Variants in NME9 observed in about 807,000 individuals in gnomAD.
NME9 encodes NME/NM23 family member 9.
Under a neutral mutation model 44.4 loss-of-function variants are expected in NME9, and 48 were observed. The ratio of observed to expected loss-of-function variants is 1.08; its 90% CI spans 0.86 to 1.37. NME9 has a LOEUF of 1.37. Among genes scored for constraint, NME9 ranks in the 40% most tolerant of loss-of-function variants. The pLI is 0.00. For missense variants in NME9, 325 were observed against 405.2 expected (o/e 0.80, Z 1.70); for synonymous variants, 139 against 147.1 (o/e 0.94, Z 0.40).
At chr3:138,278,912 A>G (rs1374244174) in intron 8 of NME9, among the ~76,000 whole-genome samples, 1 of 152,208 alleles carries the variant, frequency 6.6e-6, no homozygotes, top group South Asian at 2.1e-4. Flanking sequence ...ATTCTTGCCA[A>G]AGTCACTTTA....
intron 1 of NME9, chr3:138,326,997 A>C (rs1046086181): frequency 1.4e-5 from 2 of 138,840 alleles, no homozygotes; most frequent in Non-Finnish European, 2.9e-5. Flanking sequence ...AAAAAAAAAA[A>C]AAAAAAAAGT....
chr3:138,304,021 A>C (rs1326923942), intron 9 of NME9, among the ~76,000 whole-genome samples: 1 of 152,238 alleles, frequency 6.6e-6, no homozygotes, highest in Non-Finnish European at 1.5e-5. Context: ...AGTTGTGCAT[A>C]GTTATCCTTG....
intron 8 of NME9, among the ~76,000 whole-genome samples, chr3:138,262,934 T>A (rs1392632059): frequency 6.6e-6 from 1 of 152,220 alleles, no homozygotes; most frequent in South Asian, 2.1e-4. Flanking sequence ...CTCTGTATTA[T>A]CCAGAATAAT....
In NME9 at chr3:138,307,814, A is replaced by G. The variant is rs369660244; in HGVS notation, c.461-1334T>C. ...AAAACAAGAAAAGTTGTGACATCTC[A>G]GAAACCGGAAGAGAAGGTTTTGAGA... On this transcript the variant is annotated intron_variant, in intron 6 of 10. Coordinates refer to ENST00000333911, the MANE Select transcript of NME9 (RefSeq NM_001349018.2). Among the ~76,000 whole-genome samples, 5 of 152,360 alleles carry G rather than the reference A, an allele frequency of 3.3e-5. No homozygotes were observed. In the South Asian group the frequency reaches 1.0e-3, roughly 32 times the overall value.
intron 1 of NME9, among the ~76,000 whole-genome samples, chr3:138,325,391 A>C (rs1305801224): frequency 6.6e-6 from 1 of 151,962 alleles, no homozygotes; most frequent in Non-Finnish European, 1.5e-5. Flanking sequence ...ATTAACAGTA[A>C]AAATTTCTTT....
At chr3:138,274,075 C>A (rs372389572) in intron 8 of NME9, among the ~76,000 whole-genome samples, 3 of 152,284 alleles carry the variant, frequency 2.0e-5, no homozygotes, top group African/African-American at 7.2e-5. Context: ...ACCTCGGCCC[C>A]CCAAAGTGCT....
chr3:138,263,355 A>G (rs2047939385), intron 8 of NME9, among the ~76,000 whole-genome samples: 1 of 152,226 alleles, frequency 6.6e-6, no homozygotes, highest in Non-Finnish European at 1.5e-5. Context: ...AGGGCTGAGC[A>G]TGGACTGTGA....
At chr3:138,298,963 GAGT>G (rs1213367332), downstream of NME9, among the ~76,000 whole-genome samples, 2 of 152,216 alleles carry the variant, frequency 1.3e-5, no homozygotes, top group Non-Finnish European at 2.9e-5. Flanking sequence ...AAGGCGAAGA[GAGT>G]AGGAGCAGGG....
At chr3:138,324,838 G>T (rs768588141) in intron 2 of NME9, 35 bp downstream of exon 2, 3 of 1,493,298 alleles carry the variant, frequency 2.0e-6, no homozygotes, top group Non-Finnish European at 2.8e-6. Flanking sequence ...ATTTAGAAAA[G>T]AATGGATCTA....
intron 8 of NME9, among the ~76,000 whole-genome samples, chr3:138,273,920 G>T (rs143389450): frequency 6.6e-6 from 1 of 151,736 alleles, no homozygotes; most frequent in Non-Finnish European, 1.5e-5. Context: ...GGGTTCAAGT[G>T]ATTCTTCTTT....
intron 8 of NME9, chr3:138,284,433 A>G: frequency 1.2e-6 from 2 of 1,612,590 alleles, no homozygotes; most frequent in Non-Finnish European, 1.7e-6. Flanking sequence ...TTTTCCAGAC[A>G]CTGTGCATCT....
At chr3:138,313,297 C>T (rs1290322276) in intron 6 of NME9, among the ~76,000 whole-genome samples, 2 of 152,112 alleles carry the variant, frequency 1.3e-5, no homozygotes, top group South Asian at 2.1e-4. Context: ...GAGGCTGAGG[C>T]ACGAGAATTG....
At chr3:138,280,880 G>A (rs1487051730) in intron 8 of NME9, among the ~76,000 whole-genome samples, 2 of 151,964 alleles carry the variant, frequency 1.3e-5, no homozygotes, top group East Asian at 1.9e-4. Flanking sequence ...CACCTGCCTC[G>A]GCCTCCCAAA....
intron 4 of NME9, 54 bp downstream of exon 4, chr3:138,318,094 G>T (rs2108454005): frequency 4.6e-6 from 5 of 1,091,676 alleles, no homozygotes; most frequent in South Asian, 3.7e-5. Context: ...CTTCTATTTT[G>T]AACTCTAATG....
intron 4 of NME9, 86 bp from the exon 5 acceptor site, chr3:138,315,729 C>A: frequency 3.7e-6 from 4 of 1,092,320 alleles, no homozygotes; most frequent in South Asian, 1.4e-5. Flanking sequence ...GGAGTGTCCC[C>A]AAGTTCAAGG....
chr3:138,313,441 G>C (rs1234620060), intron 6 of NME9, among the ~76,000 whole-genome samples: 1 of 151,978 alleles, frequency 6.6e-6, no homozygotes, highest in Non-Finnish European at 1.5e-5. Flanking sequence ...TGAGGATGTA[G>C]AGAAAGGGGA....
chr3:138,327,351 C>T (rs942914395), intron 1 of NME9, among the ~76,000 whole-genome samples: 3 of 152,004 alleles, frequency 2.0e-5, no homozygotes, highest in African/African-American at 7.3e-5. Context: ...TTCGGAAGGG[C>T]CCCACACCCC....
chr3:138,316,437 G>A (rs1224086863), intron 4 of NME9, among the ~76,000 whole-genome samples: 1 of 152,112 alleles, frequency 6.6e-6, no homozygotes, highest in East Asian at 1.9e-4. Flanking sequence ...CCAAGCTGAA[G>A]AAACAATTAC....
chr3:138,324,829 T>C, intron 2 of NME9, 44 bp downstream of exon 2: 1 of 1,446,704 alleles, frequency 6.9e-7, no homozygotes, highest in Non-Finnish European at 9.7e-7. Context: ...CATTTAATAA[T>C]TTAGAAAAGA....
Sources: allele counts gnomAD v4.1 joint callset (sites outside exome capture counted in the v4.1 genomes callset), GRCh38; gene constraint gnomAD v4.1.1; transcripts MANE v1.5; gene names NCBI Gene and HGNC (gene_info 2026-07-23, HGNC 2026-07-21).